Variants in CNTNAP1 observed in about 807,000 individuals in gnomAD.
CNTNAP1 encodes the protein contactin-associated protein 1.
In CNTNAP1, 80 loss-of-function variants were observed where a neutral mutation model predicts 161.5. The observed-to-expected ratio is 0.50, with a 90% CI of 0.41 to 0.60. The LOEUF is 0.60. CNTNAP1 is among the 20% of genes least tolerant of loss of function. The pLI, the probability that CNTNAP1 is intolerant of heterozygous loss-of-function variation, is 0.00. For synonymous variants in CNTNAP1, 695 were observed against 733.1 expected (o/e 0.95, Z 0.84); for missense variants, 1,464 against 1,854.8 (o/e 0.79, Z 3.87).
In CNTNAP1 at chr17:42,682,816, A is replaced by G. The variant is rs1375592304; in HGVS notation, c.-14A>G. On this transcript the variant is annotated 5_prime_UTR_variant, in exon 1 of 24. Transcript: ENST00000264638. ...CGTTCACAGGGAGGCGGCTGCCGGG[A>G]CCGTCAGCCCTGCATGATGCATCTC... 3 of 1,562,540 alleles carry G rather than the reference A, an allele frequency of 1.9e-6. No individual in the cohort carries two copies. The highest frequency in any genetic ancestry group is 1.2e-5 in the South Asian group (1 of 85,056).
intron 18 of CNTNAP1, among the ~76,000 whole-genome samples, chr17:42,695,139 G>T (rs981865460): frequency 6.6e-6 from 1 of 152,134 alleles, no homozygotes; most frequent in Admixed American, 6.5e-5. Context: ...TAGAGATGGG[G>T]TTTTGCCATG....
chr17:42,686,428 AGCAGCCCTTG>A (rs1321232127), intron 6 of CNTNAP1, among the ~76,000 whole-genome samples: 1 of 145,600 alleles, frequency 6.9e-6, no homozygotes, highest in Non-Finnish European at 1.5e-5. Context: ...TGAATATCCT[AGCAGCCCTTG>A]GCAAACTTGC....
rs879724262 is a variant in CNTNAP1, at chr17:42,687,789, G to A, written c.1114G>A (p.Val372Ile). The A allele has an allele frequency of 6.2e-7, 1 of 1,614,200 alleles. No homozygotes were observed. Among genetic ancestry groups the A allele is most frequent in the Non-Finnish European group, 8.5e-7 (1 of 1,180,040 alleles). Residue 372 changes from valine to isoleucine, a missense_variant, in exon 8 of 24, where the codon GTT becomes ATT. Physicochemically the swap from Val to Ile is conservative, Grantham distance 29 (BLOSUM62 3). Transcript: ENST00000264638. The surrounding 1 kb of genome is among the most constrained non-coding windows in gnomAD (Gnocchi z 4.7). ...CAACTTCGGAGGCCCTCACAACTTC[G>A]TTCAAGTGCCCGGTTTCCCACGCCG... ...PINFGGPHNFVQVPGFPRRGR... is the reference protein window; with the variant it reads ...PINFGGPHNFIQVPGFPRRGR...
chr17:42,698,022 T>A, intron 23 of CNTNAP1, 72 bp downstream of exon 23: 1 of 1,555,092 alleles, frequency 6.4e-7, no homozygotes, highest in Non-Finnish European at 8.9e-7. Context: ...TCCCTGCCCC[T>A]GATCCCCAAG....
intron 2 of CNTNAP1, 57 bp downstream of exon 2, chr17:42,683,979 C>A (rs887948706): frequency 1.2e-6 from 2 of 1,612,222 alleles, no homozygotes; most frequent in African/African-American, 2.7e-5. Context: ...AGGGTGGGGG[C>A]CTCCGGAGGA....
intron 11 of CNTNAP1, 130 bp downstream of exon 11, chr17:42,689,757 T>G (rs1274322655): frequency 1.3e-6 from 1 of 761,468 alleles, no homozygotes; most frequent in East Asian, 2.8e-5. Context: ...TTTGGTTTTT[T>G]TGAGACAGAG....
In CNTNAP1 at chr17:42,683,610, G is replaced by A. The variant is rs1291661507; in HGVS notation, c.68-211G>A. 6.3e-6 allele frequency: 9 copies of A among 1,422,512 alleles called. No homozygotes were observed. In the African/African-American group the frequency reaches 1.2e-4, roughly 18 times the overall value. 88.1% of individuals were successfully genotyped at this position (1,422,512 alleles called of 1,614,324 possible). The stretch of plus-strand genomic sequence containing the variant: ...CTTGGGCCTATAGGTGTAGCCTAGG[G>A]GTTTGCCTAGAAGGAGAAGGTAGCC... On this transcript the variant is annotated intron_variant, in intron 1 of 23. Transcript: ENST00000264638.
At position 42,691,247 on chromosome 17, in the gene CNTNAP1, G is replaced by A; in HGVS notation, c.2170G>A (p.Val724Met). Reference protein sequence around the residue: ...RCACGLDRSCVDPALYCNCDA... With the variant: ...RCACGLDRSCMDPALYCNCDA... ...TGCCTGTGGTCTGGACCGGAGCTGT[G>A]TGGACCCTGCCTTGTACTGCAACTG... The change falls in exon 14 of 24, where the codon GTG becomes ATG. Residue 724 changes from valine (V) to methionine (M), a missense_variant. Physicochemically the swap from Val to Met is conservative, Grantham distance 21 (BLOSUM62 1). Around this residue, in one of 3 missense-constraint regions of CNTNAP1, gnomAD observed 1,383 missense variants for 1,765.0 expected, o/e 0.78. Transcript: ENST00000264638. The surrounding 1 kb of genome is among the most constrained non-coding windows in gnomAD (Gnocchi z 4.3). The A allele has an allele frequency of 6.2e-7, 1 of 1,614,188 alleles. No homozygotes were observed. The highest frequency in any genetic ancestry group is 1.7e-5 in the Admixed American group (1 of 60,028).
chr17:42,691,704 C>A lies in CNTNAP1; in HGVS notation c.2345-102C>A. The A allele has an allele frequency of 7.2e-7, 1 of 1,381,856 alleles. No homozygotes were observed. The highest frequency in any genetic ancestry group is 1.0e-6 in the Non-Finnish European group (1 of 985,172). The allele number at this position is 1,381,856 out of a possible 1,614,324, so 85.6% of individuals were successfully genotyped here. A position where few individuals can be genotyped will look rare whatever the true frequency, so the allele number is the denominator to read the frequency against. On this transcript the variant is annotated intron_variant, in intron 15 of 23. Coordinates refer to ENST00000264638, the MANE Select transcript of CNTNAP1 (RefSeq NM_003632.3). The surrounding 1 kb of genome is among the most constrained non-coding windows in gnomAD (Gnocchi z 4.3). ...TTAGTCTCCCCTCCGTCACCTCAAA[C>A]CCTCCCCCTTTGCCCAACCTTCCCT...
Position 42,686,152 on chromosome 17 carries a change from A to AG in CNTNAP1, c.900+14dup. 6.2e-7 allele frequency: 1 copy of AG among 1,613,484 alleles called. No individual in the cohort carries two copies. The highest frequency in any genetic ancestry group is 2.2e-5 in the East Asian group (1 of 44,870). On this transcript the variant is annotated intron_variant, in intron 6 of 23. Transcript: ENST00000264638. ...AACCTGGACACTGAGGTGAGAGACT[A>AG]GGGAGGTGCTATTTCGTGGTAGGGT...
In CNTNAP1 at chr17:42,690,890, T is replaced by C. The variant is rs372818481; in HGVS notation, c.2007T>C (p.Cys669=). The change falls in exon 13 of 24, where the codon TGT becomes TGC. Residue 669 remains cysteine (C), a synonymous_variant. Coordinates refer to ENST00000264638, the MANE Select transcript of CNTNAP1 (RefSeq NM_003632.3). The part of the protein sequence containing the change: ...VSALANASQH[C]EQWIEFSCYN... ...CCCTTGCCAATGCTTCCCAGCATTGTGAACAGTGGATCGAGTTCTCCTGCT... is the reference window on the plus strand; with the variant it reads ...CCCTTGCCAATGCTTCCCAGCATTGCGAACAGTGGATCGAGTTCTCCTGCT... 180 of 1,614,098 alleles carry C rather than the reference T, an allele frequency of 1.1e-4. No individual in the cohort carries two copies. Among genetic ancestry groups the C allele is most frequent in the Non-Finnish European group, 1.4e-4 (168 of 1,180,050 alleles).
rs1224602428 is a variant in CNTNAP1, at chr17:42,697,710, A to G, written c.3725A>G (p.Gln1242Arg). 6.2e-7 allele frequency: 1 copy of G among 1,614,064 alleles called. No homozygotes were observed. Among genetic ancestry groups the G allele is most frequent in the African/African-American group, 1.3e-5 (1 of 74,920 alleles). ...TAELAEALRVQGELSESNCGA... is the reference protein window; with the variant it reads ...TAELAEALRVRGELSESNCGA... ...GAGCTAGCTGAGGCCCTTCGAGTTC[A>G]GGGAGAACTGTCCGAATCTAATTGC... Residue 1242 changes from glutamine to arginine, a missense_variant, in exon 22 of 24, where the codon CAG (glutamine) becomes CGG (arginine). Gln to Arg is a conservative substitution (Grantham distance 43, BLOSUM62 1). Coordinates refer to ENST00000264638, the MANE Select transcript of CNTNAP1 (RefSeq NM_003632.3).
intron 1 of CNTNAP1, 118 bp downstream of exon 1, chr17:42,683,014 G>A (rs1270745516): frequency 7.3e-6 from 7 of 955,264 alleles, no homozygotes; most frequent in African/African-American, 1.7e-5. Context: ...GCGCGCGCCC[G>A]CTGGCTCTCA....
intron 1 of CNTNAP1, chr17:42,683,465 G>T: frequency 8.8e-7 from 1 of 1,137,694 alleles, no homozygotes; most frequent in Non-Finnish European, 1.1e-6. Flanking sequence ...TTGAGGCTAG[G>T]GTTGGAGCTG....
chr17:42,687,004 C>T lies in CNTNAP1; in HGVS notation c.1002C>T (p.Ile334=). The part of the protein sequence containing the change: ...IENVIFNRVN[I]ADLAVRRHSR... The stretch of plus-strand genomic sequence containing the variant: ...ACGTAATCTTCAACCGCGTCAACAT[C>T]GCAGACCTGGCCGTGCGGCGCCATT... Residue 334 remains isoleucine (I), a synonymous_variant, in exon 7 of 24, where the codon ATC becomes ATT. Transcript: ENST00000264638. This position sits in a 1 kb window ranked among gnomAD's most constrained non-coding sequence, Gnocchi z 4.7. 1 of 1,613,966 alleles carries T rather than the reference C, an allele frequency of 6.2e-7. No individual in the cohort carries two copies.
In CNTNAP1 at chr17:42,684,201, C is replaced by A. The variant is rs2052975830; in HGVS notation, c.335C>A (p.Thr112Lys). 5 of 1,613,778 alleles carry A rather than the reference C, an allele frequency of 3.1e-6. No individual in the cohort carries two copies. Among genetic ancestry groups the A allele is most frequent in the African/African-American group, 1.3e-5 (1 of 74,934 alleles). Reference protein sequence around the residue: ...LLYGDRVDSWTPFYQRGHNST... With the variant: ...LLYGDRVDSWKPFYQRGHNST... ...TACGGCGACCGAGTGGACAGCTGGA[C>A]ACCGTTCTACCAGCGAGGGCACAAC... Residue 112 changes from threonine to lysine, a missense_variant, in exon 3 of 24, where the codon ACA becomes AAA. Around this residue, in one of 3 missense-constraint regions of CNTNAP1, gnomAD observed 1,383 missense variants for 1,765.0 expected, o/e 0.78. Coordinates refer to ENST00000264638, the MANE Select transcript of CNTNAP1 (RefSeq NM_003632.3).
chr17:42,685,141 A>G lies in CNTNAP1; in HGVS notation c.511+3A>G, dbSNP rs938868566. On this transcript the variant is annotated splice_donor_region_variant and intron_variant, in intron 4 of 23. Coordinates refer to ENST00000264638, the MANE Select transcript of CNTNAP1 (RefSeq NM_003632.3). This position sits in a 1 kb window ranked among gnomAD's most constrained non-coding sequence, Gnocchi z 5.0. ...CGGCCTCTATGGCTGCCCATACAGTAAGTGTGCAGAGAGCGCGGAGGGGGC... is the reference window on the plus strand; with the variant it reads ...CGGCCTCTATGGCTGCCCATACAGTGAGTGTGCAGAGAGCGCGGAGGGGGC... 2.5e-6 allele frequency: 4 copies of G among 1,596,960 alleles called. No individual in the cohort carries two copies. In the African/African-American group the frequency reaches 5.4e-5, roughly 21 times the overall value.
At position 42,688,534 on chromosome 17, in the gene CNTNAP1, TTGA is replaced by T. The variant is rs2053046816; in HGVS notation, c.1385_1387del (p.Asp462del). The T allele has an allele frequency of 1.2e-6, 2 of 1,614,132 alleles. No individual in the cohort carries two copies. The highest frequency in any genetic ancestry group is 1.1e-5 in the South Asian group (1 of 91,074). On this transcript the variant is annotated inframe_deletion, in exon 9 of 24. Transcript: ENST00000264638. ...CAGGAAAACCATGCAGTTATCAGCA[TTGA>T]TGATGTGGAAGGGGCAGAGGTCAGG...
intron 21 of CNTNAP1, 32 bp downstream of exon 21, chr17:42,697,399 AG>A (rs2053165213): frequency 6.2e-7 from 1 of 1,610,992 alleles, no homozygotes; most frequent in Admixed American, 1.7e-5. Context: ...GTTTTAGGCA[AG>A]GAGCTGTGGC....
Sources: gnomAD v4.1 joint callset for allele counts (sites outside exome capture counted in the v4.1 genomes callset) on GRCh38, gnomAD v4.1.1 for gene constraint, gnomAD v4.1.1 regional missense constraint, Gnocchi (gnomAD v3.1) non-coding constraint, MANE v1.5 for transcripts, NCBI Gene and HGNC (gene_info 2026-07-23, HGNC 2026-07-21) for gene names.